Variants in ZFPM2 observed in about 807,000 individuals in gnomAD.
The protein encoded by ZFPM2 is zinc finger protein, FOG family member 2.
A neutral mutation model predicts 98.6 loss-of-function variants in ZFPM2; 20 were observed. The observed-to-expected ratio is 0.20, with a 90% CI of 0.14 to 0.29. ZFPM2 has a LOEUF of 0.29. Ranked by LOEUF, ZFPM2 falls within the 10% of genes least tolerant of loss-of-function variation. The pLI, the probability that ZFPM2 is intolerant of heterozygous loss-of-function variation, is 1.00. For missense variants in ZFPM2, 1,310 were observed against 1,388.6 expected (o/e 0.94, Z 0.90); for synonymous variants, 518 against 502.7 (o/e 1.03, Z -0.41).
intron 5 of ZFPM2, among the ~76,000 whole-genome samples, chr8:105,688,984 T>C (rs750159316): frequency 6.6e-6 from 1 of 152,208 alleles, no homozygotes; most frequent in Non-Finnish European, 1.5e-5. Context: ...CCACCTACTA[T>C]TCACCTTCTA....
chr8:105,773,947 G>A (rs1813040747), intron 5 of ZFPM2, among the ~76,000 whole-genome samples: 1 of 152,006 alleles, frequency 6.6e-6, no homozygotes, highest in South Asian at 2.1e-4. Flanking sequence ...TTCAAAGCCT[G>A]GAAAGCTAGG....
rs553971428 is a variant in ZFPM2, at chr8:105,473,226, A to C, written c.301+28845A>C. On this transcript the variant is annotated intron_variant, in intron 3 of 7. Coordinates refer to ENST00000407775, the MANE Select transcript of ZFPM2 (RefSeq NM_012082.4). The stretch of plus-strand genomic sequence containing the variant: ...TGAACCACTGTGCCTGGTCTATTGC[A>C]TCTTTTAGGATCCAACTCAGGATCT... Among the ~76,000 whole-genome samples the C allele has an allele frequency of 1.3e-3, 193 of 152,116 alleles. 1 individual carries two copies. Among genetic ancestry groups the C allele is most frequent in the African/African-American group, 4.4e-3 (182 of 41,470 alleles).
chr8:105,349,179 A>G (rs1238747361), intron 1 of ZFPM2, among the ~76,000 whole-genome samples: 1 of 152,156 alleles, frequency 6.6e-6, no homozygotes, highest in African/African-American at 2.4e-5. Context: ...TTTTAAGGCC[A>G]GAATTCTGAA....
intron 4 of ZFPM2, among the ~76,000 whole-genome samples, chr8:105,590,361 C>T (rs1815815353): frequency 6.6e-6 from 1 of 152,140 alleles, no homozygotes; most frequent in Non-Finnish European, 1.5e-5. Context: ...ATAATAACCA[C>T]AATATTCAGG....
chr8:105,673,464 T>C (rs2130908489), intron 5 of ZFPM2, among the ~76,000 whole-genome samples: 1 of 152,176 alleles, frequency 6.6e-6, no homozygotes, highest in South Asian at 2.1e-4. Flanking sequence ...TCAAATAATA[T>C]ACATGTCTAT....
intron 3 of ZFPM2, among the ~76,000 whole-genome samples, chr8:105,478,049 A>C (rs1314483422): frequency 6.6e-6 from 1 of 152,002 alleles, no homozygotes; most frequent in Non-Finnish European, 1.5e-5. Flanking sequence ...GGAACATGGA[A>C]CTCTGATCCA....
intron 1 of ZFPM2, among the ~76,000 whole-genome samples, chr8:105,373,489 A>G (rs897645333): frequency 2.6e-5 from 4 of 152,182 alleles, no homozygotes; most frequent in Admixed American, 6.5e-5. Context: ...AGTAGTCTTA[A>G]TTTCACAGGA....
intron 2 of ZFPM2, among the ~76,000 whole-genome samples, chr8:105,428,876 G>A (rs1308803208): frequency 2.0e-5 from 3 of 152,150 alleles, no homozygotes; most frequent in African/African-American, 7.2e-5. Context: ...AGTAAGCAGT[G>A]CATTCTAACA....
At chr8:105,725,761 G>C (rs2131004558) in intron 5 of ZFPM2, among the ~76,000 whole-genome samples, 1 of 151,606 alleles carries the variant, frequency 6.6e-6, no homozygotes, top group Non-Finnish European at 1.5e-5. Context: ...TCCCATAGAT[G>C]GTATCTCAGT....
intron 3 of ZFPM2, among the ~76,000 whole-genome samples, chr8:105,481,094 A>G (rs1813107759): frequency 6.6e-6 from 1 of 152,154 alleles, no homozygotes; most frequent in Non-Finnish European, 1.5e-5. Context: ...GTGGTTGCAA[A>G]GGTCAGAGTA....
intron 2 of ZFPM2, among the ~76,000 whole-genome samples, chr8:105,422,889 G>A (rs971066202): frequency 3.3e-5 from 5 of 152,142 alleles, no homozygotes; most frequent in Non-Finnish European, 5.9e-5. Flanking sequence ...CATTTCTGAA[G>A]ACATAGCTTA....
In ZFPM2 at chr8:105,484,644, A is replaced by C. The variant is rs367704545; in HGVS notation, c.301+40263A>C. ...TTAGAATAGTGCCACACTGCCTGAC[A>C]CCTAGTAATTTCTCAATAAATATTG... On this transcript the variant is annotated intron_variant, in intron 3 of 7. Transcript: ENST00000407775. Among the ~76,000 whole-genome samples the C allele has an allele frequency of 7.9e-5, 12 of 152,298 alleles. No individual in the cohort carries two copies. In the East Asian group the frequency reaches 1.5e-3, roughly 20 times the overall value.
intron 3 of ZFPM2, among the ~76,000 whole-genome samples, chr8:105,542,917 T>C (rs1814611231): frequency 2.0e-5 from 3 of 152,150 alleles, no homozygotes; most frequent in African/African-American, 7.2e-5. Flanking sequence ...TCTATGAGTG[T>C]GTGTGAATGT....
chr8:105,446,988 G>A (rs1812386762), intron 3 of ZFPM2, among the ~76,000 whole-genome samples: 1 of 152,030 alleles, frequency 6.6e-6, no homozygotes, highest in East Asian at 1.9e-4. Context: ...TGTTACTACT[G>A]CAAGTTTTGT....
chr8:105,432,511 C>T (rs1248959252), intron 2 of ZFPM2, among the ~76,000 whole-genome samples: 1 of 152,132 alleles, frequency 6.6e-6, no homozygotes, highest in African/African-American at 2.4e-5. Flanking sequence ...TGATTGCTTA[C>T]AAATAATATT....
chr8:105,429,404 A>C (rs1811975411), intron 2 of ZFPM2, among the ~76,000 whole-genome samples: 1 of 151,282 alleles, frequency 6.6e-6, no homozygotes, highest in Non-Finnish European at 1.5e-5. Flanking sequence ...AGAAGGAGTG[A>C]CCTAAGAAGG....
chr8:105,598,837 CA>C (rs149935467), intron 4 of ZFPM2, among the ~76,000 whole-genome samples: 1,607 of 151,860 alleles, frequency 0.011, 21 homozygotes, highest in African/African-American at 0.034. Flanking sequence ...TTACTACATA[CA>C]AAAAAAACTT....
At chr8:105,714,754 T>C (rs1586215254) in intron 5 of ZFPM2, among the ~76,000 whole-genome samples, 2 of 152,170 alleles carry the variant, frequency 1.3e-5, no homozygotes, top group African/African-American at 2.4e-5. Flanking sequence ...ATTTACACTA[T>C]GGAAATTTGC....
intron 1 of ZFPM2, among the ~76,000 whole-genome samples, chr8:105,403,279 A>C (rs1309248656): frequency 6.6e-6 from 1 of 152,060 alleles, no homozygotes; most frequent in South Asian, 2.1e-4. Context: ...ATTATATATT[A>C]TTAGTGGGTC....
Sources: allele counts gnomAD v4.1 joint callset (sites outside exome capture counted in the v4.1 genomes callset), GRCh38; gene constraint gnomAD v4.1.1; transcripts MANE v1.5; gene names NCBI Gene and HGNC (gene_info 2026-07-23, HGNC 2026-07-21).